Variants in EIF4A2 observed in about 807,000 individuals in gnomAD.
EIF4A2 encodes the protein eukaryotic translation initiation factor 4A2.
EIF4A2 carries 9 observed loss-of-function variants against 50.6 expected under a neutral mutation model. The ratio of observed to expected loss-of-function variants is 0.18; its 90% CI spans 0.11 to 0.31. The LOEUF (loss-of-function observed/expected upper bound fraction) is 0.31, where lower values mean the gene tolerates loss of function less well. Ranked by LOEUF, EIF4A2 falls within the 10% of genes least tolerant of loss-of-function variation. The pLI, the probability that EIF4A2 is intolerant of heterozygous loss-of-function variation, is 1.00. For synonymous variants in EIF4A2, 215 were observed against 164.4 expected (o/e 1.31, Z -2.35); for missense variants, 182 against 501.8 (o/e 0.36, Z 6.09).
At position 186,789,179 on chromosome 3, in the gene EIF4A2, TGAA is replaced by T. The variant is rs1446637608; in HGVS notation, c.1140_1142del (p.Glu380del). ...AAGGTGTGGCTATAAACTTTGTTAC[TGAA>T]GAAGACAAGAGGATTCTTCGTGACA... On this transcript the variant is annotated inframe_deletion, in exon 11 of 11. Coordinates refer to ENST00000323963, the MANE Select transcript of EIF4A2 (RefSeq NM_001967.4). 6.2e-7 allele frequency: 1 copy of T among 1,613,850 alleles called. No homozygotes were observed. Among genetic ancestry groups the T allele is most frequent in the Non-Finnish European group, 8.5e-7 (1 of 1,179,816 alleles).
At chr3:186,786,677 C>T (rs1249058099) in intron 7 of EIF4A2, 32 bp downstream of exon 7, 5 of 1,611,976 alleles carry the variant, frequency 3.1e-6, no homozygotes, top group Non-Finnish European at 4.2e-6. Flanking sequence ...ATTATTTTAC[C>T]TTCTTGTATA....
chr3:186,784,820 T>A (rs1420242634), intron 3 of EIF4A2, 124 bp downstream of exon 3: 2 of 1,599,706 alleles, frequency 1.3e-6, no homozygotes. Context: ...CAATCATCTT[T>A]CGGGACTGAC....
intron 10 of EIF4A2, 54 bp from the exon 11 acceptor site, chr3:186,789,071 C>T (rs1182029519): frequency 6.3e-7 from 1 of 1,576,972 alleles, no homozygotes; most frequent in Non-Finnish European, 8.6e-7. Context: ...TCGTCATGTT[C>T]AGTAGTTTAT....
At chr3:186,784,885 C>G in intron 3 of EIF4A2, 77 bp from the exon 4 acceptor site, 3 of 1,611,544 alleles carry the variant, frequency 1.9e-6, no homozygotes, top group Non-Finnish European at 1.7e-6. Context: ...GCATAATGTT[C>G]CAAATGGAAT....
chr3:186,787,690 C>T (rs754958416), intron 9 of EIF4A2, 106 bp downstream of exon 9: 1 of 1,580,510 alleles, frequency 6.3e-7, no homozygotes, highest in Non-Finnish European at 8.7e-7. Flanking sequence ...AGTAAAAGAC[C>T]ACACTCCACA....
intron 10 of EIF4A2, chr3:186,788,824 CT>C: frequency 3.3e-6 from 1 of 303,166 alleles, no homozygotes; most frequent in South Asian, 5.1e-5. Context: ...GGCTGGCCCA[CT>C]TTGGTATGGG....
rs755882910 is a variant in EIF4A2, at chr3:186,786,231, T to C, written c.585T>C (p.Asp195=). 6.2e-7 allele frequency: 1 copy of C among 1,613,940 alleles called. No individual in the cohort carries two copies. The highest frequency in any genetic ancestry group is 8.5e-7 in the Non-Finnish European group (1 of 1,179,940). Residue 195 remains aspartate, a synonymous_variant, in exon 6 of 11, where the codon GAT becomes GAC. Transcript: ENST00000323963. ...ADEMLSRGFK[D]QIYEIFQKLN... is the part of the protein sequence containing the mutation. ...AAATGTTGAGCCGTGGTTTTAAGGATCAAATCTATGAGATTTTCCAAAAAC... is the reference window on the plus strand; with the variant it reads ...AAATGTTGAGCCGTGGTTTTAAGGACCAAATCTATGAGATTTTCCAAAAAC...
chr3:186,786,851 C>T (rs774296200), intron 7 of EIF4A2: 5 of 872,546 alleles, frequency 5.7e-6, no homozygotes, highest in African/African-American at 1.7e-5. Context: ...GGTGCAATAT[C>T]TCATTAGACC....
Position 186,784,726 on chromosome 3 carries a change from G to A in EIF4A2, c.208+30G>A, listed in dbSNP as rs369787126. On this transcript the variant is annotated intron_variant, in intron 3 of 10. Coordinates refer to ENST00000323963, the MANE Select transcript of EIF4A2 (RefSeq NM_001967.4). ...AAGAAACTGGCATTTTTAGGAAATT[G>A]TTCTACATAGACATGAACCATAAAA... 8.1e-6 allele frequency: 13 copies of A among 1,611,406 alleles called. No individual in the cohort carries two copies. In the African/African-American group the frequency reaches 1.7e-4, roughly 22 times the overall value.
rs1722003944 is a variant in EIF4A2 at position 186,789,733 on chromosome 3, T to C, written c.*464T>C. On this transcript the variant is annotated 3_prime_UTR_variant, in exon 11 of 11. Transcript: ENST00000323963. ...CATTTGAATGCATTTTGTTTGGTAT[T>C]GTATTTATTCAATAAAGTATTTAAT... The C allele has an allele frequency of 6.8e-6, 3 of 442,668 alleles. No individual in the cohort carries two copies. Among genetic ancestry groups the C allele is most frequent in the Non-Finnish European group, 8.0e-6 (2 of 249,060 alleles). The allele number at this position is 442,668 out of a possible 1,614,324, so 27.4% of individuals were successfully genotyped here.
chr3:186,783,724 ACT>A (rs774413812), intron 1 of EIF4A2, 85 bp downstream of exon 1: 43 of 1,602,174 alleles, frequency 2.7e-5, no homozygotes, highest in Middle Eastern at 1.6e-4. Context: ...GGAGGCAAAA[ACT>A]CTAAATTAAT....
At chr3:186,785,762 A>C in intron 4 of EIF4A2, 121 bp from the exon 5 acceptor site, 1 of 1,230,230 alleles carries the variant, frequency 8.1e-7, no homozygotes, top group Non-Finnish European at 1.1e-6. Context: ...GCTTGGAAGT[A>C]GTTTTGTGCT....
Position 186,789,718 on chromosome 3 carries a change from C to T in EIF4A2, c.*449C>T, listed in dbSNP as rs1722003062. The T allele has an allele frequency of 5.1e-6, 2 of 392,542 alleles. No individual in the cohort carries two copies. Among genetic ancestry groups the T allele is most frequent in the South Asian group, 5.2e-5 (1 of 19,286 alleles). 24.3% of individuals were successfully genotyped at this position (392,542 alleles called of 1,614,324 possible). On this transcript the variant is annotated 3_prime_UTR_variant, in exon 11 of 11. Coordinates refer to ENST00000323963, the MANE Select transcript of EIF4A2 (RefSeq NM_001967.4). ...AATTTTTTTAGAAAGCATTTGAATG[C>T]ATTTTGTTTGGTATTGTATTTATTC...
At position 186,785,119 on chromosome 3, in the gene EIF4A2, C is replaced by A. The variant is rs756667726; in HGVS notation, c.348+18C>A. 8.1e-6 allele frequency: 13 copies of A among 1,610,008 alleles called. No individual in the cohort carries two copies. Among genetic ancestry groups the A allele is most frequent in the East Asian group, 2.2e-5 (1 of 44,854 alleles). On this transcript the variant is annotated intron_variant, in intron 4 of 10. Transcript: ENST00000323963. ...CTCAACAGGTATTGATAGTGTAGTT[C>A]AAAAAAACTGCTTGCGTGTTGCATA...
chr3:186,783,666 C>T (rs1245445736), intron 1 of EIF4A2, 27 bp downstream of exon 1: 2 of 1,613,914 alleles, frequency 1.2e-6, no homozygotes, highest in African/African-American at 2.7e-5. Context: ...CGGTCGCGGT[C>T]TGTAGTGAAG....
rs566205913 is a variant in EIF4A2 at position 186,784,235 on chromosome 3, G to A, written c.30-197G>A. 7.7e-5 allele frequency: 57 copies of A among 738,742 alleles called. No individual in the cohort carries two copies. In the African/African-American group the frequency reaches 9.8e-4, roughly 13 times the overall value. 45.8% of individuals were successfully genotyped at this position (738,742 alleles called of 1,614,324 possible). A position where few individuals can be genotyped will look rare whatever the true frequency, so the allele number is the denominator to read the frequency against. ...ACGGGATCGCCATGCGCTCGGGCCTGGGGGGCTGCCTTTCCGGGCATCCGC... is the reference window on the plus strand; with the variant it reads ...ACGGGATCGCCATGCGCTCGGGCCTAGGGGGCTGCCTTTCCGGGCATCCGC... On this transcript the variant is annotated intron_variant, in intron 1 of 10. Transcript: ENST00000323963.
At chr3:186,787,696 C>A in intron 9 of EIF4A2, 107 bp from the exon 10 acceptor site, 1 of 1,579,168 alleles carries the variant, frequency 6.3e-7, no homozygotes, top group Non-Finnish European at 8.7e-7. Context: ...AGACCACACT[C>A]CACAGTGGGC....
At chr3:186,788,216 G>A in intron 10 of EIF4A2, 1 of 1,115,260 alleles carries the variant, frequency 9.0e-7, no homozygotes, top group Non-Finnish European at 1.2e-6. Context: ...AGCAATTTGA[G>A]TGAACCCTGG....
chr3:186,785,192 G>A (rs759386967), intron 4 of EIF4A2, 91 bp downstream of exon 4: 138 of 1,544,170 alleles, frequency 8.9e-5, no homozygotes, highest in Non-Finnish European at 1.1e-4. Context: ...AGTATAAATT[G>A]GTCCTACCAG....
Sources: gnomAD v4.1 joint callset for allele counts on GRCh38, gnomAD v4.1.1 for gene constraint, MANE v1.5 for transcripts, NCBI Gene and HGNC (gene_info 2026-07-23, HGNC 2026-07-21) for gene names.